The following LIPI variants were observed in gnomAD, a reference collection of about 807,000 sequenced individuals.
LIPI encodes the protein lipase member I.
LIPI carries 59 observed loss-of-function variants against 50.6 expected under a neutral mutation model. That is an observed-to-expected ratio of 1.16 (90% CI 0.94 to 1.45). The LOEUF (loss-of-function observed/expected upper bound fraction) is 1.45. LIPI is among the 40% of genes most tolerant of loss of function. The pLI is 0.00. For missense variants in LIPI, 586 were observed against 536.3 expected (o/e 1.09, Z -0.92); for synonymous variants, 203 against 178.2 (o/e 1.14, Z -1.11).
chr21:14,207,458 CA>C (rs539628444), intron 1 of LIPI, among the ~76,000 whole-genome samples: 1 of 149,820 alleles, frequency 6.7e-6, no homozygotes, highest in Non-Finnish European at 1.5e-5. Context: ...AATGAAAAAA[CA>C]AGATAGTCAG....
chr21:14,135,126 G>A (rs886907928), intron 9 of LIPI, among the ~76,000 whole-genome samples: 5 of 152,088 alleles, frequency 3.3e-5, no homozygotes, highest in African/African-American at 1.2e-4. Context: ...AGTGGGCGAG[G>A]ACATGAACAT....
chr21:14,119,540 C>G (rs1393325756), intron 9 of LIPI, among the ~76,000 whole-genome samples: 2 of 152,128 alleles, frequency 1.3e-5, no homozygotes, highest in African/African-American at 2.4e-5. Context: ...ATATGGATCC[C>G]CAACTACTCA....
At chr21:14,193,885 C>T (rs1461531455) in intron 1 of LIPI, among the ~76,000 whole-genome samples, 1 of 152,102 alleles carries the variant, frequency 6.6e-6, no homozygotes, top group Non-Finnish European at 1.5e-5. Flanking sequence ...AATCATATAT[C>T]TGATATGGAT....
chr21:14,166,861 G>A (rs1158717184), intron 4 of LIPI, among the ~76,000 whole-genome samples: 4 of 152,210 alleles, frequency 2.6e-5, no homozygotes, highest in Non-Finnish European at 4.4e-5. Flanking sequence ...GACAGTGGGC[G>A]GAGGAAAGTG....
intron 4 of LIPI, among the ~76,000 whole-genome samples, chr21:14,171,253 G>A: frequency 1.4e-5 from 2 of 147,652 alleles, no homozygotes; most frequent in African/African-American, 5.0e-5. Flanking sequence ...ATGCTCATGG[G>A]TAGGAAGAAT....
intron 9 of LIPI, among the ~76,000 whole-genome samples, chr21:14,139,619 A>G (rs763354331): frequency 1.3e-5 from 2 of 152,178 alleles, no homozygotes; most frequent in Non-Finnish European, 2.9e-5. Context: ...AACAGCAAAC[A>G]TAAGTACAGA....
intron 9 of LIPI, among the ~76,000 whole-genome samples, chr21:14,130,505 T>C (rs1403470157): frequency 1.3e-5 from 2 of 152,158 alleles, no homozygotes; most frequent in Non-Finnish European, 2.9e-5. Context: ...CCCACTACCA[T>C]GCTATGGGCT....
intron 9 of LIPI, among the ~76,000 whole-genome samples, chr21:14,138,121 G>C (rs1600851263): frequency 6.6e-6 from 1 of 151,940 alleles, no homozygotes; most frequent in East Asian, 1.9e-4. Context: ...TTGAGGTTTT[G>C]GGCACACTAA....
chr21:14,130,572 C>T (rs1442799142), intron 9 of LIPI, among the ~76,000 whole-genome samples: 1 of 152,194 alleles, frequency 6.6e-6, no homozygotes, highest in Non-Finnish European at 1.5e-5. Flanking sequence ...GCTCATTCAG[C>T]ACACCTGAGT....
chr21:14,187,825 T>C (rs2019509129), intron 2 of LIPI, among the ~76,000 whole-genome samples: 1 of 152,190 alleles, frequency 6.6e-6, no homozygotes, highest in South Asian at 2.1e-4. Context: ...TTCATATAAA[T>C]ATTTTTGTAA....
At chr21:14,120,179 C>G (rs544042998) in intron 9 of LIPI, among the ~76,000 whole-genome samples, 1 of 152,154 alleles carries the variant, frequency 6.6e-6, no homozygotes, top group Admixed American at 6.5e-5. Context: ...TTAAAAGACC[C>G]AGATGTTGAA....
rs28419629 is a variant in LIPI at position 14,181,085 on chromosome 21, G to T, written c.643+673C>A. 1.1e-3 allele frequency among the ~76,000 whole-genome samples: 173 copies of T among 152,132 alleles called. 1 individual carries two copies. The highest frequency in any genetic ancestry group is 2.3e-3 in the Non-Finnish European group (155 of 68,004). ...GAATGACAGTTGTTATCTATCTAAC[G>T]GAAATTTAGTAGAATTCACTAATTA... On this transcript the variant is annotated intron_variant, in intron 4 of 9. Transcript: ENST00000681601.
intron 8 of LIPI, among the ~76,000 whole-genome samples, chr21:14,151,603 ATGG>A (rs753414458): frequency 3.9e-5 from 6 of 152,192 alleles, no homozygotes; most frequent in Non-Finnish European, 5.9e-5. Flanking sequence ...TCATCATTTA[ATGG>A]CTAGTTAGAA....
At chr21:14,129,671 A>G (rs1265657378) in intron 9 of LIPI, among the ~76,000 whole-genome samples, 1 of 151,850 alleles carries the variant, frequency 6.6e-6, no homozygotes, top group African/African-American at 2.4e-5. Context: ...GAAGTCAGAA[A>G]AAAGAAAAAA....
chr21:14,201,142 C>T (rs1001963244), intron 1 of LIPI, among the ~76,000 whole-genome samples: 22 of 151,912 alleles, frequency 1.4e-4, no homozygotes, highest in African/African-American at 5.3e-4. Flanking sequence ...ATGTAAAACC[C>T]AACACTACAA....
At chr21:14,140,997 C>G (rs1223614896) in intron 9 of LIPI, among the ~76,000 whole-genome samples, 1 of 152,090 alleles carries the variant, frequency 6.6e-6, no homozygotes, top group Non-Finnish European at 1.5e-5. Flanking sequence ...ATCTTCTACT[C>G]CGTTGATAAT....
intron 1 of LIPI, among the ~76,000 whole-genome samples, chr21:14,208,939 T>C (rs1468449063): frequency 6.6e-6 from 1 of 152,054 alleles, no homozygotes; most frequent in African/African-American, 2.4e-5. Context: ...CAGCCCCAGC[T>C]ACCCTGCAAG....
At chr21:14,177,024 T>G (rs557203964) in intron 4 of LIPI, among the ~76,000 whole-genome samples, 1 of 152,114 alleles carries the variant, frequency 6.6e-6, no homozygotes, top group Non-Finnish European at 1.5e-5. Flanking sequence ...TGTAATGTTC[T>G]ATAAATGTCT....
intron 3 of LIPI, among the ~76,000 whole-genome samples, chr21:14,184,355 T>C (rs997197047): frequency 2.0e-5 from 3 of 152,210 alleles, no homozygotes. Flanking sequence ...AGGGATAGCA[T>C]TAGGCGATAT....
Sources: allele counts gnomAD v4.1 joint callset (sites outside exome capture counted in the v4.1 genomes callset), GRCh38; gene constraint gnomAD v4.1.1; transcripts MANE v1.5; gene names NCBI Gene and HGNC (gene_info 2026-07-23, HGNC 2026-07-21).